Variants in MAP7 observed in about 807,000 individuals in gnomAD.
MAP7 encodes the protein microtubule associated protein 7.
A neutral mutation model predicts 94.8 loss-of-function variants in MAP7; 52 were observed. The observed-to-expected ratio is 0.55, with a 90% CI of 0.44 to 0.69. The LOEUF (loss-of-function observed/expected upper bound fraction) is 0.69, where lower values mean the gene tolerates loss of function less well. Ranked by LOEUF, MAP7 falls within the 30% of genes least tolerant of loss-of-function variation. The probability of loss-of-function intolerance (pLI) is 0.00; values close to 1 mark genes in which losing one functional copy is unlikely to be tolerated. For missense variants in MAP7, 940 were observed against 964.6 expected (o/e 0.97, Z 0.34); for synonymous variants, 350 against 357.0 (o/e 0.98, Z 0.22).
chr6:136,439,925 G>A (rs941627904), intron 1 of MAP7, among the ~76,000 whole-genome samples: 1 of 152,132 alleles, frequency 6.6e-6, no homozygotes, highest in Non-Finnish European at 1.5e-5. Context: ...GCCCGGTCTC[G>A]CTCCTTCTTT....
In MAP7 at chr6:136,365,749, G is replaced by A; in HGVS notation, c.1259C>T (p.Pro420Leu). ...ATVEERTPAE[P>L]EVGPAAPAMA... ...TTTGCTCTTACCAGGGCCAACTTCTGGTTCAGCAGGTGTCCGCTCTTCAAC... is the reference window on the plus strand; with the variant it reads ...TTTGCTCTTACCAGGGCCAACTTCTAGTTCAGCAGGTGTCCGCTCTTCAAC... Residue 420 changes from proline to leucine, a missense_variant, in exon 10 of 18, where the codon CCA becomes CTA. Pro to Leu is a moderately conservative substitution (Grantham distance 98). Transcript: ENST00000354570. 1 of 1,613,644 alleles carries A rather than the reference G, an allele frequency of 6.2e-7. No homozygotes were observed. The highest frequency in any genetic ancestry group is 1.7e-5 in the Admixed American group (1 of 59,920).
At chr6:136,457,309 A>T (rs1195655418) in intron 1 of MAP7, among the ~76,000 whole-genome samples, 11 of 141,008 alleles carry the variant, frequency 7.8e-5, no homozygotes, top group Admixed American at 3.5e-4. Context: ...ATCAGGAATT[A>T]AAAAAAAAAA....
Position 136,478,836 on chromosome 6 carries a change from T to C in MAP7, c.68-57037A>G, listed in dbSNP as rs553719593. 2.0e-5 allele frequency among the ~76,000 whole-genome samples: 3 copies of C among 151,908 alleles called. No homozygotes were observed. In the East Asian group the frequency reaches 5.8e-4, roughly 29 times the overall value. ...CAGCAAAGAAAAGCAAAGGACTCCA[T>C]GGCTTTACTGCTGAATTTTACTAAA... On this transcript the variant is annotated intron_variant, in intron 1 of 17. Coordinates refer to ENST00000354570, the MANE Select transcript of MAP7 (RefSeq NM_003980.6).
At chr6:136,474,047 GAGGACCC>G (rs1437678740) in intron 1 of MAP7, among the ~76,000 whole-genome samples, 1 of 152,112 alleles carries the variant, frequency 6.6e-6, no homozygotes, top group East Asian at 1.9e-4. Context: ...ACAGGTTAAG[GAGGACCC>G]AGTAATTCCA....
intron 1 of MAP7, chr6:136,525,881 A>G: frequency 6.5e-7 from 1 of 1,535,284 alleles, no homozygotes; most frequent in Non-Finnish European, 8.7e-7. Context: ...CTTCCTCATT[A>G]ATGGTGAATA....
rs145854387 is a variant in MAP7, at chr6:136,387,250, CG to C, written c.526+1142del. ...AAGTGGCAACAGCAGTAATGATTGA[CG>C]GGGAAAAAAGCTAAACTGGAAGTAC... On this transcript the variant is annotated intron_variant, in intron 5 of 17. Coordinates refer to ENST00000354570, the MANE Select transcript of MAP7 (RefSeq NM_003980.6). Among the ~76,000 whole-genome samples the C allele has an allele frequency of 1.3e-3, 196 of 152,044 alleles. 1 individual carries two copies. The East Asian group carries it at 0.033, about 26-fold the overall frequency.
At chr6:136,501,087 AAAAATAAAG>A in intron 1 of MAP7, among the ~76,000 whole-genome samples, 1 of 152,370 alleles carries the variant, frequency 6.6e-6, no homozygotes, top group Non-Finnish European at 1.5e-5. Flanking sequence ...TTGAGAAAAG[AAAAATAAAG>A]AATAATATTA....
chr6:136,493,127 T>TC lies in MAP7; in HGVS notation c.67+57214_67+57215insG, dbSNP rs1260445068. 4.8e-4 allele frequency among the ~76,000 whole-genome samples: 71 copies of TC among 146,784 alleles called. 1 individual carries two copies. The South Asian group carries it at 8.4e-3, about 17-fold the overall frequency. On this transcript the variant is annotated intron_variant, in intron 1 of 17. Coordinates refer to ENST00000354570, the MANE Select transcript of MAP7 (RefSeq NM_003980.6). Reference sequence around the variant, plus strand: ...TGTGCTCTTTTCTTCTTTCCTTTTTTTTTTTTTTTTTTTGAGACGGAGTTT... The same window carrying TC: ...TGTGCTCTTTTCTTCTTTCCTTTTTTCTTTTTTTTTTTTTGAGACGGAGTTT...
chr6:136,476,366 C>T (rs762394855), intron 1 of MAP7, among the ~76,000 whole-genome samples: 1 of 152,152 alleles, frequency 6.6e-6, no homozygotes, highest in African/African-American at 2.4e-5. Context: ...TTCTTAGTTG[C>T]AGTAGCCACA....
At chr6:136,352,156 G>A (rs7744370) in intron 16 of MAP7, among the ~76,000 whole-genome samples, 112,213 of 151,086 alleles carry the variant, frequency 0.74, 42,716 homozygotes, top group Middle Eastern at 0.85. Flanking sequence ...TGCAACACTA[G>A]GGTATGTGAC....
At position 136,362,003 on chromosome 6, in the gene MAP7, C is replaced by T. The variant is rs373845524; in HGVS notation, c.1526+447G>A. Among the ~76,000 whole-genome samples the T allele has an allele frequency of 3.1e-4, 47 of 152,270 alleles. No individual in the cohort carries two copies. In the East Asian group the frequency reaches 6.9e-3, roughly 23 times the overall value. On this transcript the variant is annotated intron_variant, in intron 11 of 17. Transcript: ENST00000354570. ...ATGTATGTATATATACACACACACT[C>T]CCATACTGTTGAGAGACTAGAAAGG... is the stretch of plus-strand genomic sequence containing the variant.
chr6:136,397,126 C>T (rs1371636532), intron 3 of MAP7, among the ~76,000 whole-genome samples: 1 of 152,156 alleles, frequency 6.6e-6, no homozygotes, highest in Non-Finnish European at 1.5e-5. Flanking sequence ...AATTAAACAA[C>T]ACTTGCCAAT....
At chr6:136,430,597 G>T (rs1014947468) in intron 1 of MAP7, among the ~76,000 whole-genome samples, 1 of 152,116 alleles carries the variant, frequency 6.6e-6, no homozygotes, top group Non-Finnish European at 1.5e-5. Flanking sequence ...AATTTCTTAT[G>T]TAAACTTCGT....
chr6:136,512,064 C>T (rs889772084), intron 1 of MAP7, among the ~76,000 whole-genome samples: 1 of 152,190 alleles, frequency 6.6e-6, no homozygotes, highest in African/African-American at 2.4e-5. Context: ...CAAAATTCAC[C>T]GTCATTATCA....
chr6:136,360,849 G>T, intron 12 of MAP7, 51 bp from the exon 13 acceptor site: 2 of 1,595,418 alleles, frequency 1.3e-6, no homozygotes. Context: ...GGGCTGCCCG[G>T]GTCTCCCAGG....
At chr6:136,424,261 G>GA (rs890021225) in intron 1 of MAP7, among the ~76,000 whole-genome samples, 7 of 147,266 alleles carry the variant, frequency 4.8e-5, no homozygotes, top group African/African-American at 7.5e-5. Flanking sequence ...AGTTCTCATG[G>GA]AAAAAAAAAT....
Position 136,550,404 on chromosome 6 carries a change from G to T in MAP7, c.5C>A (p.Ala2Glu), listed in dbSNP as rs374838540. ...GCCGTCGCCGCCAGCTCCTAGCTCC[G>T]CCATGGTGCTCCGATGACGCGCCCG... is the stretch of plus-strand genomic sequence containing the variant. M[A>E]ELGAGGDGHR... is the part of the protein sequence containing the mutation. The change falls in exon 1 of 18, where the codon GCG becomes GAG. Residue 2 changes from alanine (A) to glutamate (E), a missense_variant. By Grantham distance (107) the Ala-to-Glu change is moderately radical. Transcript: ENST00000354570. The surrounding 1 kb of genome is among the most constrained non-coding windows in gnomAD (Gnocchi z 5.1). 6.5e-5 allele frequency: 99 copies of T among 1,524,126 alleles called. No homozygotes were observed. Among genetic ancestry groups the T allele is most frequent in the South Asian group, 1.7e-4 (14 of 82,802 alleles). 94.4% of individuals were successfully genotyped at this position (1,524,126 alleles called of 1,614,324 possible).
intron 3 of MAP7, among the ~76,000 whole-genome samples, chr6:136,409,154 C>T (rs982758859): frequency 6.6e-6 from 1 of 151,866 alleles, no homozygotes; most frequent in African/African-American, 2.4e-5. Flanking sequence ...AAAATTATGA[C>T]TCTGACAATT....
rs138297502 is a variant in MAP7, at chr6:136,372,545, G to T, written c.832C>A (p.Pro278Thr). ...SMDRPKLFVT[P>T]PEGSSRRRII... ...CTCCTGCGAGAAGAGCCCTCAGGTG[G>T]TGTTACAAAGAGTTTTGGTCGATCC... is the stretch of plus-strand genomic sequence containing the variant. Residue 278 changes from proline (P) to threonine (T), a missense_variant, in exon 8 of 18, where the codon CCA (proline) becomes ACA (threonine). Transcript: ENST00000354570. 36 of 1,614,070 alleles carry T rather than the reference G, an allele frequency of 2.2e-5. No homozygotes were observed. The highest frequency in any genetic ancestry group is 3.0e-5 in the Non-Finnish European group (35 of 1,180,042).
Sources: gnomAD v4.1 joint callset for allele counts (sites outside exome capture counted in the v4.1 genomes callset) on GRCh38, gnomAD v4.1.1 for gene constraint, Gnocchi (gnomAD v3.1) non-coding constraint, MANE v1.5 for transcripts, NCBI Gene and HGNC (gene_info 2026-07-23, HGNC 2026-07-21) for gene names.